APOL4: variants seen among roughly 807,000 people sequenced by gnomAD.
The protein encoded by APOL4 is apolipoprotein L, 4.
APOL4 carries 14 observed loss-of-function variants against 12.1 expected under a neutral mutation model. The ratio of observed to expected loss-of-function variants is 1.16; its 90% CI spans 0.76 to 1.81. APOL4 has a LOEUF of 1.81. Among genes scored for constraint, APOL4 ranks in the 40% most tolerant of loss-of-function variants. The probability of loss-of-function intolerance (pLI) is 0.00; values close to 1 mark genes in which losing one functional copy is unlikely to be tolerated. For missense variants in APOL4, 432 were observed against 423.1 expected, an observed-to-expected ratio of 1.02 and a Z score of -0.18; for synonymous variants, 171 against 160.6, an observed-to-expected ratio of 1.06 and a Z score of -0.49.
At chr22:36,198,897 C>T (rs577276205) in intron 2 of APOL4, among the ~76,000 whole-genome samples, 84 of 152,320 alleles carry the variant, frequency 5.5e-4, no homozygotes, top group Middle Eastern at 6.8e-3. Flanking sequence ...GGACCGGCCT[C>T]TGCTGGAAAC....
chr22:36,202,903 C>T (rs953117533), upstream of APOL4, among the ~76,000 whole-genome samples: 3 of 151,996 alleles, frequency 2.0e-5, no homozygotes, highest in Non-Finnish European at 4.4e-5. Flanking sequence ...GGAGAGCAGA[C>T]GGGAAGCCAA....
upstream of APOL4, among the ~76,000 whole-genome samples, chr22:36,204,102 T>C (rs1164812260): frequency 6.6e-6 from 1 of 152,178 alleles, no homozygotes; most frequent in Non-Finnish European, 1.5e-5. Context: ...CCACAGGGCC[T>C]GGCACAAGTA....
upstream of APOL4, among the ~76,000 whole-genome samples, chr22:36,202,456 G>A (rs576998564): frequency 2.6e-5 from 4 of 152,298 alleles, no homozygotes; most frequent in East Asian, 1.9e-4. Flanking sequence ...GGCCGGGAGC[G>A]GTGGCTCACG....
At position 36,191,870 on chromosome 22, in the gene APOL4, T is replaced by A; in HGVS notation, c.252A>T (p.Thr84=). The A allele has an allele frequency of 6.2e-7, 1 of 1,610,834 alleles. No homozygotes were observed. Among genetic ancestry groups the A allele is most frequent in the Non-Finnish European group, 8.5e-7 (1 of 1,179,564 alleles). ...DALYEALKNL[T]PYVAIEDKDM... ...CTTTGTCCTCAATAGCCACATATGG[T>A]GTAAGATTCTTCAGAGCTTCATAGA... The change falls in exon 4 of 4, where the codon ACA becomes ACT. Residue 84 remains threonine, a synonymous_variant. Transcript: ENST00000683024.
Position 36,190,890 on chromosome 22 carries a change from C to A in APOL4, c.*185G>T, listed in dbSNP as rs132699. 486,380 of 601,546 alleles carry A rather than the reference C, an allele frequency of 0.81. 198,195 individuals are homozygous for A. Among genetic ancestry groups the A allele is most frequent in the East Asian group, 0.94 (32,956 of 34,880 alleles). The allele number at this position is 601,546 out of a possible 1,614,324, so 37.3% of individuals were successfully genotyped here. On this transcript the variant is annotated 3_prime_UTR_variant, in exon 4 of 4. Transcript: ENST00000683024. ...CAAGGGTATTGATTGGGGAAGTGAT[C>A]AGTGTCCATGAAATCTTCACAATTT...
upstream of APOL4, among the ~76,000 whole-genome samples, chr22:36,204,157 T>C (rs2014663757): frequency 6.6e-6 from 1 of 152,188 alleles, no homozygotes; most frequent in South Asian, 2.1e-4. Context: ...AGGTTCCTTG[T>C]ATCTCAAAAG....
upstream of APOL4, chr22:36,201,847 C>G: frequency 6.4e-7 from 1 of 1,573,710 alleles, no homozygotes; most frequent in Non-Finnish European, 8.6e-7. Flanking sequence ...CCCCTCTAGG[C>G]GAGTCTACCA....
Position 36,189,414 on chromosome 22 carries a change from A to T in APOL4, c.*1661T>A, listed in dbSNP as rs1039593303. Reference sequence around the variant, plus strand: ...TGCACCCTTAAATAACCTAAAGGGGACCTGTCACACTACAACCACCACCAC... The same window carrying T: ...TGCACCCTTAAATAACCTAAAGGGGTCCTGTCACACTACAACCACCACCAC... On this transcript the variant is annotated 3_prime_UTR_variant, in exon 4 of 4. Transcript: ENST00000683024. The T allele has an allele frequency of 5.3e-5, 8 of 152,100 alleles. No homozygotes were observed. Among genetic ancestry groups the T allele is most frequent in the African/African-American group, 1.9e-4 (8 of 41,362 alleles). 9.4% of individuals were successfully genotyped at this position (152,100 alleles called of 1,614,324 possible).
At position 36,191,121 on chromosome 22, in the gene APOL4, T is replaced by G; in HGVS notation, c.1001A>C (p.Asn334Thr). Residue 334 changes from asparagine to threonine, a missense_variant, in exon 4 of 4, where the codon AAT becomes ACT. Physicochemically the swap from Asn to Thr is moderately conservative, Grantham distance 65 (BLOSUM62 0). Coordinates refer to ENST00000683024, the MANE Select transcript of APOL4 (RefSeq NM_001386885.1). Reference sequence around the variant, plus strand: ...ATGGATATGGGTGAGCTCATTGAGATTCTCCTCCAGCTCCTGAGCCCACTG... The same window carrying G: ...ATGGATATGGGTGAGCTCATTGAGAGTCTCCTCCAGCTCCTGAGCCCACTG... The part of the protein sequence containing the change: ...LRQWAQELEE[N>T]LNELTHIHQS... The G allele has an allele frequency of 1.9e-6, 3 of 1,610,686 alleles. No individual in the cohort carries two copies. Among genetic ancestry groups the G allele is most frequent in the Non-Finnish European group, 2.5e-6 (3 of 1,178,342 alleles).
upstream of APOL4, among the ~76,000 whole-genome samples, chr22:36,204,329 C>T (rs183725509): frequency 1.3e-3 from 196 of 152,290 alleles, no homozygotes; most frequent in African/African-American, 4.5e-3. Context: ...ACAAACCTTC[C>T]TTCTGGGGTC....
intron 2 of APOL4, chr22:36,197,881 C>G: frequency 6.6e-7 from 1 of 1,514,260 alleles, no homozygotes; most frequent in South Asian, 1.3e-5. Context: ...AGATCTAACT[C>G]AGCACTGGGT....
chr22:36,202,114 A>G (rs963014751), upstream of APOL4: 10 of 1,609,574 alleles, frequency 6.2e-6, no homozygotes, highest in African/African-American at 1.2e-4. Flanking sequence ...CACCATTTTC[A>G]TTTCATTTTT....
At chr22:36,195,575 A>C (rs931119364) in intron 2 of APOL4, 138 bp from the exon 3 acceptor site, 1 of 942,388 alleles carries the variant, frequency 1.1e-6, no homozygotes, top group Non-Finnish European at 1.5e-6. Context: ...CCAGTGCTAT[A>C]GACTGAATTG....
At chr22:36,198,303 A>G (rs1281686173) in intron 2 of APOL4, among the ~76,000 whole-genome samples, 3 of 152,226 alleles carry the variant, frequency 2.0e-5, no homozygotes, top group African/African-American at 7.2e-5. Context: ...CAACAAGGTA[A>G]AGCAAAACAG....
chr22:36,199,869 G>A (rs132714), intron 1 of APOL4, among the ~76,000 whole-genome samples: 15,164 of 151,952 alleles, frequency 0.1, 859 homozygotes, highest in African/African-American at 0.14. Context: ...GTGCAGTGGC[G>A]CGATCTCGGC....
rs910400075 is a variant in APOL4, at chr22:36,201,718, T to C, written c.17A>G (p.Gln6Arg). 34 of 1,608,400 alleles carry C rather than the reference T, an allele frequency of 2.1e-5. No individual in the cohort carries two copies. Among genetic ancestry groups the C allele is most frequent in the Non-Finnish European group, 2.9e-5 (34 of 1,177,764 alleles). Residue 6 changes from glutamine to arginine, a missense_variant, in exon 1 of 4, where the codon CAG (glutamine) becomes CGG (arginine). Coordinates refer to ENST00000683024, the MANE Select transcript of APOL4 (RefSeq NM_001386885.1). MGSWV[Q>R]LITSVGVQQN... ...GACTCACCCGACGCTTGTGATGAGC[T>C]GCACCCAGGATCCCATCCTCCTTGG...
At chr22:36,194,473 GC>G in intron 3 of APOL4, among the ~76,000 whole-genome samples, 1 of 151,980 alleles carries the variant, frequency 6.6e-6, no homozygotes, top group African/African-American at 2.4e-5. Flanking sequence ...GTCCACCCCT[GC>G]CCCATCCTGA....
rs972530380 is a variant in APOL4 at position 36,195,174 on chromosome 22, G to C, written c.209+137C>G. 9.8e-6 allele frequency: 11 copies of C among 1,127,874 alleles called. No homozygotes were observed. In the East Asian group the frequency reaches 2.0e-4, roughly 20 times the overall value. 69.9% of individuals were successfully genotyped at this position (1,127,874 alleles called of 1,614,324 possible). A position where few individuals can be genotyped will look rare whatever the true frequency, so the allele number is the denominator to read the frequency against. On this transcript the variant is annotated intron_variant, in intron 3 of 3. Transcript: ENST00000683024. Reference sequence around the variant, plus strand: ...AGCACTTGGAGGAAATATTCTTCCTGCACTGCTGAGAGGGACATCCTCAAG... The same window carrying C: ...AGCACTTGGAGGAAATATTCTTCCTCCACTGCTGAGAGGGACATCCTCAAG...
At chr22:36,197,379 G>A (rs1180211722) in intron 2 of APOL4, 1 of 396,850 alleles carries the variant, frequency 2.5e-6, no homozygotes, top group East Asian at 4.9e-5. Flanking sequence ...TTGGCTGGGC[G>A]AGGGATTGTC....
Sources: allele counts gnomAD v4.1 joint callset (sites outside exome capture counted in the v4.1 genomes callset), GRCh38; gene constraint gnomAD v4.1.1; transcripts MANE v1.5; gene names NCBI Gene and HGNC (gene_info 2026-07-23, HGNC 2026-07-21).